NAV2: variants seen among roughly 807,000 people sequenced by gnomAD.
NAV2 encodes the protein helicase, APC down-regulated 1.
A neutral mutation model predicts 223.2 loss-of-function variants in NAV2; 54 were observed. The ratio of observed to expected loss-of-function variants is 0.24; its 90% CI spans 0.19 to 0.30. The LOEUF (loss-of-function observed/expected upper bound fraction) is 0.30. NAV2 is among the 10% of genes least tolerant of loss of function. The pLI is 1.00. For missense variants in NAV2, 2,806 were observed against 3,147.5 expected, an observed-to-expected ratio of 0.89 and a Z score of 2.60; for synonymous variants, 1,279 against 1,239.3, an observed-to-expected ratio of 1.03 and a Z score of -0.67.
Position 19,842,853 on chromosome 11 carries a change from T to C in NAV2, c.386-18T>C. 1 of 1,613,602 alleles carries C rather than the reference T, an allele frequency of 6.2e-7. No homozygotes were observed. Among genetic ancestry groups the C allele is most frequent in the Non-Finnish European group, 8.5e-7 (1 of 1,179,550 alleles). ...CTCTCTGGTGATTTATTTTTCTGAC[T>C]TGTGTTTCCTTTTTCAGCAAATGAA... On this transcript the variant is annotated intron_variant, in intron 2 of 37. Transcript: ENST00000349880.
intron 1 of NAV2, among the ~76,000 whole-genome samples, chr11:19,682,155 A>G (rs1417334147): frequency 1.3e-5 from 2 of 152,134 alleles, no homozygotes; most frequent in African/African-American, 2.4e-5. Context: ...TACACCCTAC[A>G]CATTGCTCTG....
At chr11:19,847,368 C>T (rs1473225142) in intron 3 of NAV2, among the ~76,000 whole-genome samples, 2 of 152,190 alleles carry the variant, frequency 1.3e-5, no homozygotes, top group South Asian at 2.1e-4. Context: ...AGCAAAAAAG[C>T]CCCAGGCCTG....
intron 1 of NAV2, among the ~76,000 whole-genome samples, chr11:19,677,430 G>A (rs565291701): frequency 9.2e-5 from 14 of 152,350 alleles, no homozygotes; most frequent in Middle Eastern, 6.8e-3. Flanking sequence ...TGTCCTACTC[G>A]GCTTGTGATC....
chr11:20,093,339 C>T, intron 29 of NAV2, 140 bp downstream of exon 29: 2 of 637,502 alleles, frequency 3.1e-6, no homozygotes, highest in Non-Finnish European at 5.8e-6. Flanking sequence ...CTTAACTAAC[C>T]ATAATCCCTT....
intron 1 of NAV2, among the ~76,000 whole-genome samples, chr11:19,368,328 G>C (rs939797075): frequency 2.0e-5 from 3 of 152,084 alleles, no homozygotes; most frequent in African/African-American, 7.2e-5. Context: ...TTTGCTTTTG[G>C]GTAGAAACAA....
intron 6 of NAV2, among the ~76,000 whole-genome samples, chr11:19,914,916 G>A (rs1689378932): frequency 1.3e-5 from 2 of 152,264 alleles, no homozygotes; most frequent in South Asian, 4.1e-4. Context: ...CTTTTGTTTT[G>A]TTCTTAATAT....
chr11:20,103,601 T>C, intron 33 of NAV2, 52 bp from the exon 34 acceptor site: 1 of 1,595,616 alleles, frequency 6.3e-7, no homozygotes, highest in South Asian at 1.1e-5. Context: ...ACCACCTTGT[T>C]CTCTAGCTTG....
At chr11:19,885,212 G>A (rs780672788) in intron 5 of NAV2, among the ~76,000 whole-genome samples, 2 of 152,218 alleles carry the variant, frequency 1.3e-5, no homozygotes, top group African/African-American at 2.4e-5. Flanking sequence ...TTTCACAGAT[G>A]AGGAAACTAA....
intron 1 of NAV2, among the ~76,000 whole-genome samples, chr11:19,532,496 A>C (rs144050445): frequency 6.6e-6 from 1 of 152,338 alleles, no homozygotes; most frequent in East Asian, 1.9e-4. Flanking sequence ...CAGCTCAGGC[A>C]TAACAATACT....
intron 5 of NAV2, among the ~76,000 whole-genome samples, chr11:19,887,874 A>G (rs1305977891): frequency 1.3e-5 from 2 of 151,896 alleles, no homozygotes; most frequent in South Asian, 2.1e-4. Context: ...CAGCATGTGC[A>G]CACAAGCTGC....
intron 12 of NAV2, among the ~76,000 whole-genome samples, chr11:20,039,252 G>A (rs1279424164): frequency 1.3e-5 from 2 of 152,160 alleles, no homozygotes; most frequent in African/African-American, 4.8e-5. Flanking sequence ...CACTCTCTCC[G>A]AGCCCCTGCC....
At chr11:19,509,677 C>T (rs1020666067) in intron 1 of NAV2, among the ~76,000 whole-genome samples, 1 of 152,122 alleles carries the variant, frequency 6.6e-6, no homozygotes, top group Non-Finnish European at 1.5e-5. Flanking sequence ...TAATTGTTTG[C>T]CCCACCTTCT....
intron 1 of NAV2, among the ~76,000 whole-genome samples, chr11:19,487,035 A>G (rs1240631439): frequency 2.6e-5 from 4 of 152,138 alleles, no homozygotes; most frequent in South Asian, 4.2e-4. Flanking sequence ...TCTGGGGCTA[A>G]AGACCAAAGA....
intron 11 of NAV2, among the ~76,000 whole-genome samples, chr11:20,018,278 C>T (rs994239922): frequency 1.4e-4 from 19 of 131,922 alleles, no homozygotes; most frequent in African/African-American, 4.0e-4. Flanking sequence ...CGCTTGAACC[C>T]GGGAGGTGGA....
chr11:20,098,570 C>T (rs1372059201), intron 31 of NAV2, among the ~76,000 whole-genome samples: 4 of 152,188 alleles, frequency 2.6e-5, no homozygotes, highest in Admixed American at 2.0e-4. Context: ...TGCAGTTTTG[C>T]AGTTGTTTGA....
chr11:19,898,455 T>C (rs2042179649), intron 6 of NAV2, among the ~76,000 whole-genome samples: 2 of 152,348 alleles, frequency 1.3e-5, no homozygotes, highest in South Asian at 2.1e-4. Flanking sequence ...CACATTGATA[T>C]TACTTTCAAA....
chr11:19,346,247 T>C (rs115631133), upstream of NAV2, among the ~76,000 whole-genome samples: 2,885 of 152,316 alleles, frequency 0.019, 90 homozygotes, highest in African/African-American at 0.067. Context: ...TGTGTCTGTC[T>C]GCATGTCTGC....
intron 12 of NAV2, among the ~76,000 whole-genome samples, chr11:20,040,153 G>A (rs2056776805): frequency 1.3e-5 from 2 of 152,286 alleles, no homozygotes; most frequent in South Asian, 2.1e-4. Flanking sequence ...GGTCACTGGG[G>A]CTTAAACTTG....
At chr11:19,739,517 G>A (rs1253803343) in intron 1 of NAV2, among the ~76,000 whole-genome samples, 2 of 152,146 alleles carry the variant, frequency 1.3e-5, no homozygotes, top group Non-Finnish European at 1.5e-5. Flanking sequence ...GGTCAGTAGC[G>A]AATTTTTAAG....
Sources: gnomAD v4.1 joint callset for allele counts (sites outside exome capture counted in the v4.1 genomes callset) on GRCh38, gnomAD v4.1.1 for gene constraint, MANE v1.5 for transcripts, NCBI Gene and HGNC (gene_info 2026-07-23, HGNC 2026-07-21) for gene names.